ANXA13: variants seen among roughly 807,000 people sequenced by gnomAD.
The protein encoded by ANXA13 is annexin XIII.
In ANXA13, 36 loss-of-function variants were observed where a neutral mutation model predicts 46.6. That is an observed-to-expected ratio of 0.77 (90% confidence interval 0.59 to 1.02). ANXA13 has a LOEUF of 1.02. Among genes scored for constraint, ANXA13 ranks in the 50% least tolerant of loss-of-function variants. The pLI, the probability that ANXA13 is intolerant of heterozygous loss-of-function variation, is 0.00. For missense variants in ANXA13, 417 were observed against 396.5 expected (o/e 1.05, Z -0.44); for synonymous variants, 163 against 152.9 (o/e 1.07, Z -0.49).
At chr8:123,700,002 T>C (rs955773748) in intron 3 of ANXA13, among the ~76,000 whole-genome samples, 1 of 152,214 alleles carries the variant, frequency 6.6e-6, no homozygotes, top group African/African-American at 2.4e-5. Flanking sequence ...AAAAATTTTC[T>C]AAGAGGAGGC....
At chr8:123,697,459 C>T (rs554548404) in intron 4 of ANXA13, among the ~76,000 whole-genome samples, 13 of 152,234 alleles carry the variant, frequency 8.5e-5, no homozygotes, top group African/African-American at 2.2e-4. Flanking sequence ...AAAAGAAGTC[C>T]GGGGATGCTC....
intron 2 of ANXA13, among the ~76,000 whole-genome samples, chr8:123,707,024 C>T (rs1456400367): frequency 1.3e-5 from 2 of 152,264 alleles, no homozygotes; most frequent in East Asian, 3.8e-4. Context: ...CTCTGTGTCT[C>T]TCATGCTGCC....
chr8:123,726,143 G>T (rs900497126), intron 1 of ANXA13, among the ~76,000 whole-genome samples: 21 of 152,192 alleles, frequency 1.4e-4, no homozygotes, highest in African/African-American at 5.1e-4. Context: ...TCTGAAAAAT[G>T]AGTTCAGTTC....
At position 123,681,216 on chromosome 8, in the gene ANXA13, G is replaced by C; in HGVS notation, c.*24C>G. 6.3e-7 allele frequency: 1 copy of C among 1,587,460 alleles called. No individual in the cohort carries two copies. On this transcript the variant is annotated 3_prime_UTR_variant, in exon 11 of 11. Transcript: ENST00000419625. ...CTCTTGACAAAGGCGGTTCCACCCTGTGTTCCTATTGCCCTGGCTTGGCTC... is the reference window on the plus strand; with the variant it reads ...CTCTTGACAAAGGCGGTTCCACCCTCTGTTCCTATTGCCCTGGCTTGGCTC...
intron 4 of ANXA13, among the ~76,000 whole-genome samples, chr8:123,696,580 T>G (rs7004780): frequency 6.6e-6 from 1 of 151,682 alleles, no homozygotes; most frequent in African/African-American, 2.4e-5. Context: ...ACCAAGCTGG[T>G]TAAAATGAAA....
intron 6 of ANXA13, among the ~76,000 whole-genome samples, chr8:123,694,332 G>A (rs1813293589): frequency 2.0e-5 from 3 of 152,172 alleles, no homozygotes; most frequent in Admixed American, 6.5e-5. Flanking sequence ...ATATAATTCA[G>A]GTCTCCAATC....
At chr8:123,695,664 A>T in intron 5 of ANXA13, 24 bp downstream of exon 5, 1 of 1,613,240 alleles carries the variant, frequency 6.2e-7, no homozygotes, top group Non-Finnish European at 8.5e-7. Flanking sequence ...ACTTTATCCA[A>T]AGCCAGAATG....
chr8:123,683,932 C>T (rs1315111224), intron 10 of ANXA13, among the ~76,000 whole-genome samples: 2 of 152,182 alleles, frequency 1.3e-5, no homozygotes, highest in Non-Finnish European at 2.9e-5. Context: ...CTCTTCCTCT[C>T]CCTTTTCTTT....
At chr8:123,712,803 T>G in intron 1 of ANXA13, 50 bp from the exon 2 acceptor site, 2 of 1,548,238 alleles carry the variant, frequency 1.3e-6, no homozygotes, top group Non-Finnish European at 1.8e-6. Flanking sequence ...CATTCCTAAA[T>G]GATCTCTGGC....
intron 2 of ANXA13, 41 bp downstream of exon 2, chr8:123,712,637 T>C (rs1336920678): frequency 6.3e-7 from 1 of 1,579,958 alleles, no homozygotes; most frequent in African/African-American, 1.3e-5. Flanking sequence ...CCAAGTTTAA[T>C]CAACTTCAGA....
At chr8:123,722,349 A>AG (rs1813893072) in intron 1 of ANXA13, among the ~76,000 whole-genome samples, 1 of 76,200 alleles carries the variant, frequency 1.3e-5, no homozygotes, top group Non-Finnish European at 3.2e-5. Flanking sequence ...AAGAAAAGAA[A>AG]GAAAGAAAGA....
chr8:123,698,456 T>C lies in ANXA13; in HGVS notation c.290A>G (p.Lys97Arg), dbSNP rs781643871. 1 of 1,614,194 alleles carries C rather than the reference T, an allele frequency of 6.2e-7. No homozygotes were observed. The highest frequency in any genetic ancestry group is 8.5e-7 in the Non-Finnish European group (1 of 1,180,020). The change falls in exon 4 of 11, where the codon AAG (lysine) becomes AGG (arginine). Residue 97 changes from lysine (K) to arginine (R), a missense_variant. Physicochemically the swap from Lys to Arg is conservative, Grantham distance 26 (BLOSUM62 2). Transcript: ENST00000419625. ...PSEYAARQLQ[K>R]AMKGLGTDES... ...ATCTGTGCCCAGACCCTTCATAGCC[T>C]TCTGCAGCTGCCGGGCGGCGTACTC...
chr8:123,704,506 C>G (rs1184204466), intron 2 of ANXA13, among the ~76,000 whole-genome samples: 4 of 152,006 alleles, frequency 2.6e-5, no homozygotes, highest in African/African-American at 9.7e-5. Flanking sequence ...AAACAATTCT[C>G]CTGCCTCAGC....
intron 3 of ANXA13, among the ~76,000 whole-genome samples, chr8:123,699,055 G>A (rs1385666647): frequency 6.6e-6 from 1 of 152,208 alleles, no homozygotes; most frequent in East Asian, 1.9e-4. Context: ...GGAATAAAGA[G>A]GATTGTCATG....
rs778338256 is a variant in ANXA13 at position 123,693,792 on chromosome 8, A to T, written c.472-13T>A. On this transcript the variant is annotated splice_polypyrimidine_tract_variant and intron_variant, in intron 6 of 10. Transcript: ENST00000419625. ...CATTGCGATTAGCCTAGAAAAATTGACACATTGTTATTAACTTGCATTCCT... is the reference window on the plus strand; with the variant it reads ...CATTGCGATTAGCCTAGAAAAATTGTCACATTGTTATTAACTTGCATTCCT... The T allele has an allele frequency of 3.1e-6, 5 of 1,612,008 alleles. No homozygotes were observed. The South Asian group carries it at 5.5e-5, about 18-fold the overall frequency.
At chr8:123,735,804 T>C (rs1441349193) in intron 1 of ANXA13, 4 of 1,613,010 alleles carry the variant, frequency 2.5e-6, no homozygotes, top group Non-Finnish European at 3.4e-6. Flanking sequence ...GCTGAGAGGC[T>C]GCACGACTGT....
intron 10 of ANXA13, 94 bp from the exon 11 acceptor site, chr8:123,681,453 A>T: frequency 7.7e-7 from 1 of 1,292,998 alleles, no homozygotes; most frequent in Non-Finnish European, 1.1e-6. Context: ...TCATTTGCTC[A>T]TTCATGCCTT....
chr8:123,696,558 AC>A (rs386729507), intron 4 of ANXA13, among the ~76,000 whole-genome samples: 15 of 24,024 alleles, frequency 6.2e-4, no homozygotes, highest in South Asian at 6.2e-3. Flanking sequence ...CTGCTCCCCC[AC>A]CCCCCCCACC....
chr8:123,713,989 C>G (rs376420558), intron 1 of ANXA13, among the ~76,000 whole-genome samples: 1 of 152,124 alleles, frequency 6.6e-6, no homozygotes, highest in South Asian at 2.1e-4. Context: ...CCACGGCGCC[C>G]GGCATGTCCA....
Sources: allele counts gnomAD v4.1 joint callset (sites outside exome capture counted in the v4.1 genomes callset), GRCh38; gene constraint gnomAD v4.1.1; transcripts MANE v1.5; gene names NCBI Gene and HGNC (gene_info 2026-07-23, HGNC 2026-07-21).